Variants in ZBTB7C observed in about 807,000 individuals in gnomAD.
ZBTB7C encodes the protein zinc finger and BTB domain containing 7C, also known as zinc finger and BTB domain-containing protein 7C.
Under a neutral mutation model 25.7 loss-of-function variants are expected in ZBTB7C, and 8 were observed. The ratio of observed to expected loss-of-function variants is 0.31; its 90% CI spans 0.18 to 0.56. The LOEUF is 0.56. Ranked by LOEUF, ZBTB7C falls within the 20% of genes least tolerant of loss-of-function variation. The pLI is 0.91. For synonymous variants in ZBTB7C, 394 were observed against 369.0 expected, an observed-to-expected ratio of 1.07 and a Z score of -0.78; for missense variants, 824 against 855.2, an observed-to-expected ratio of 0.96 and a Z score of 0.46.
At chr18:48,161,121 G>A (rs1332196339) in intron 3 of ZBTB7C, among the ~76,000 whole-genome samples, 1 of 151,472 alleles carries the variant, frequency 6.6e-6, no homozygotes, top group African/African-American at 2.4e-5. Context: ...CTTGGGGCTG[G>A]AGGAGGTGGG....
At chr18:48,395,000 A>G (rs2047987389) in intron 1 of ZBTB7C, among the ~76,000 whole-genome samples, 1 of 152,200 alleles carries the variant, frequency 6.6e-6, no homozygotes, top group African/African-American at 2.4e-5. Context: ...CACACATCCC[A>G]AGAATGAACT....
chr18:48,053,505 A>G (rs2036781817), intron 3 of ZBTB7C, among the ~76,000 whole-genome samples: 1 of 152,098 alleles, frequency 6.6e-6, no homozygotes, highest in Non-Finnish European at 1.5e-5. Context: ...TTACATTTAT[A>G]TTTATATTTA....
chr18:48,140,396 A>T (rs1279215276), intron 3 of ZBTB7C, among the ~76,000 whole-genome samples: 1 of 151,830 alleles, frequency 6.6e-6, no homozygotes, highest in African/African-American at 2.4e-5. Context: ...CCTCCATCTT[A>T]CTGATAAGGA....
At chr18:48,349,928 G>A (rs1442923257) in intron 1 of ZBTB7C, among the ~76,000 whole-genome samples, 1 of 152,142 alleles carries the variant, frequency 6.6e-6, no homozygotes, top group African/African-American at 2.4e-5. Context: ...CCTGTAATGG[G>A]AATGCCACCT....
chr18:48,227,159 A>G (rs1259529519), intron 2 of ZBTB7C, among the ~76,000 whole-genome samples: 2 of 152,192 alleles, frequency 1.3e-5, no homozygotes, highest in Non-Finnish European at 2.9e-5. Flanking sequence ...CATGCCTGAA[A>G]AGGCTGTCTG....
Position 48,104,038 on chromosome 18 carries a change from C to T in ZBTB7C, c.-16-62915G>A, listed in dbSNP as rs145085209. On this transcript the variant is annotated intron_variant, in intron 3 of 4. Coordinates refer to ENST00000590800, the MANE Select transcript of ZBTB7C (RefSeq NM_001318841.2). ...TGGTTGTGGGGATGGTTGCAAACTC[C>T]GAATATACTAAAAACTTTGAATGGC... 3.2e-4 allele frequency among the ~76,000 whole-genome samples: 48 copies of T among 152,080 alleles called. 1 individual carries two copies. The highest frequency in any genetic ancestry group is 1.1e-3 in the African/African-American group (44 of 41,458).
chr18:48,345,753 T>C (rs1021940557), intron 1 of ZBTB7C, among the ~76,000 whole-genome samples: 2 of 152,220 alleles, frequency 1.3e-5, no homozygotes, highest in Admixed American at 6.5e-5. Flanking sequence ...GTGCAGTGTC[T>C]GGCCCCAGCC....
At chr18:48,258,839 G>T (rs954226659) in intron 2 of ZBTB7C, among the ~76,000 whole-genome samples, 2 of 151,920 alleles carry the variant, frequency 1.3e-5, no homozygotes, top group Admixed American at 1.3e-4. Flanking sequence ...TGTATTTTTA[G>T]TAGAGACGGG....
At chr18:48,345,237 A>G (rs2046700903) in intron 1 of ZBTB7C, among the ~76,000 whole-genome samples, 1 of 152,226 alleles carries the variant, frequency 6.6e-6, no homozygotes, top group African/African-American at 2.4e-5. Context: ...AAGAAGCTGC[A>G]GTAGGTGTGC....
chr18:48,100,259 C>T (rs972230823), intron 3 of ZBTB7C, among the ~76,000 whole-genome samples: 5 of 152,218 alleles, frequency 3.3e-5, no homozygotes, highest in Admixed American at 3.3e-4. Flanking sequence ...ACTAAATAAA[C>T]TGCTTGAGGT....
intron 2 of ZBTB7C, among the ~76,000 whole-genome samples, chr18:48,292,811 G>A (rs2045272470): frequency 4.6e-5 from 7 of 152,222 alleles, no homozygotes; most frequent in Admixed American, 4.6e-4. Flanking sequence ...ACAGCAAGGT[G>A]AGAAAAAGAA....
upstream of ZBTB7C, among the ~76,000 whole-genome samples, chr18:48,410,399 G>A (rs2048371066): frequency 6.6e-6 from 1 of 152,314 alleles, no homozygotes; most frequent in Middle Eastern, 3.4e-3. Flanking sequence ...CTTCCGAAGC[G>A]TCCAATCACC....
At position 48,355,795 on chromosome 18, in the gene ZBTB7C, T is replaced by G. The variant is rs144302777; in HGVS notation, c.-303-17397A>C. The stretch of plus-strand genomic sequence containing the variant: ...TTGTTGCCTAGAACCTGCAGCTCAC[T>G]TCAGGCACTGGACACTCCCTGCTTC... On this transcript the variant is annotated intron_variant, in intron 1 of 4. Transcript: ENST00000590800. 7.5e-3 allele frequency among the ~76,000 whole-genome samples: 1,137 copies of G among 152,328 alleles called. 6 individuals are homozygous for G. The highest frequency in any genetic ancestry group is 0.011 in the Non-Finnish European group (779 of 68,022).
intron 2 of ZBTB7C, among the ~76,000 whole-genome samples, chr18:48,275,658 T>C (rs1379298699): frequency 1.3e-5 from 2 of 150,976 alleles, no homozygotes; most frequent in Non-Finnish European, 3.0e-5. Flanking sequence ...TGTAATACTT[T>C]TCCCCTGCAC....
chr18:48,115,534 G>A (rs899675172), intron 3 of ZBTB7C, among the ~76,000 whole-genome samples: 2 of 152,080 alleles, frequency 1.3e-5, no homozygotes, highest in African/African-American at 2.4e-5. Flanking sequence ...CACCGTGCCC[G>A]GCCTTATGAG....
intron 2 of ZBTB7C, among the ~76,000 whole-genome samples, chr18:48,316,568 A>C (rs1187023616): frequency 1.3e-5 from 2 of 152,232 alleles, no homozygotes. Context: ...TGCCCTTGGC[A>C]ATGAGTGACT....
At chr18:48,253,775 T>C (rs1259811325) in intron 2 of ZBTB7C, among the ~76,000 whole-genome samples, 1 of 152,168 alleles carries the variant, frequency 6.6e-6, no homozygotes, top group Admixed American at 6.5e-5. Context: ...GAAATAGTAC[T>C]GAAGTAACCC....
At chr18:48,193,053 C>T (rs751385185) in intron 2 of ZBTB7C, among the ~76,000 whole-genome samples, 2 of 152,196 alleles carry the variant, frequency 1.3e-5, no homozygotes, top group Non-Finnish European at 2.9e-5. Context: ...CCAGGCCCCA[C>T]GCTGGGGACT....
chr18:48,097,037 C>T (rs1208875416), intron 3 of ZBTB7C, among the ~76,000 whole-genome samples: 3 of 152,224 alleles, frequency 2.0e-5, no homozygotes. Flanking sequence ...AAAGGAGCTT[C>T]CTTTTAGAGG....
Sources: allele counts gnomAD v4.1 joint callset (sites outside exome capture counted in the v4.1 genomes callset), GRCh38; gene constraint gnomAD v4.1.1; transcripts MANE v1.5; gene names NCBI Gene and HGNC (gene_info 2026-07-23, HGNC 2026-07-21).